RTL4: variants seen among roughly 807,000 people sequenced by gnomAD.
The protein encoded by RTL4 is retrotransposon Gag-like protein 4.
Under a neutral mutation model 5.3 loss-of-function variants are expected in RTL4, and 4 were observed. The ratio of observed to expected loss-of-function variants is 0.75; its 90% confidence interval spans 0.37 to 1.72. RTL4 has a LOEUF of 1.72. RTL4 is among the 40% of genes most tolerant of loss of function. The pLI, the probability that RTL4 is intolerant of heterozygous loss-of-function variation, is 0.04. For synonymous variants in RTL4, 98 were observed against 87.3 expected (o/e 1.12, Z -0.68); for missense variants, 260 against 227.1 (o/e 1.14, Z -0.93).
chrX:112,194,422 T>A, the RTL4 span, among the ~76,000 whole-genome samples: 4 of 111,025 alleles, frequency 3.6e-5, no homozygotes, highest in Non-Finnish European at 5.7e-5. Flanking sequence ...CTGTACCATA[T>A]GAAGACATAG....
chrX:112,439,033 G>T, the RTL4 span, among the ~76,000 whole-genome samples: 5 of 111,880 alleles, frequency 4.5e-5, no homozygotes, highest in Non-Finnish European at 9.4e-5. Flanking sequence ...TAGTCCAGAA[G>T]CAGGGAAGTA....
At chrX:112,239,545 T>C in the RTL4 span, among the ~76,000 whole-genome samples, 1 of 111,029 alleles carries the variant, frequency 9.0e-6, no homozygotes, top group Admixed American at 9.6e-5. Context: ...CAGCAACAAG[T>C]TAGAACATGG....
At chrX:112,346,054 A>G in the RTL4 span, among the ~76,000 whole-genome samples, 2 of 112,211 alleles carry the variant, frequency 1.8e-5, no homozygotes, top group African/African-American at 6.5e-5. Context: ...GCACACACAC[A>G]CATACTTGCA....
chrX:112,326,828 C>G, the RTL4 span, among the ~76,000 whole-genome samples: 1 of 111,697 alleles, frequency 9.0e-6, no homozygotes, highest in African/African-American at 3.2e-5. Context: ...CAGACTGCCT[C>G]CTCAAGTGGG....
chrX:112,103,745 A>G, the RTL4 span, among the ~76,000 whole-genome samples: 1 of 110,477 alleles, frequency 9.1e-6, no homozygotes, highest in South Asian at 3.8e-4. Context: ...GAAATATTTT[A>G]TTATTATTTA....
the RTL4 span, among the ~76,000 whole-genome samples, chrX:112,231,774 A>C: frequency 9.0e-6 from 1 of 111,426 alleles, no homozygotes; most frequent in African/African-American, 3.3e-5. Flanking sequence ...TTCATAAGCA[A>C]GCTTGCTATA....
At chrX:112,376,100 C>T in the RTL4 span, among the ~76,000 whole-genome samples, 1 of 110,700 alleles carries the variant, frequency 9.0e-6, no homozygotes, top group Non-Finnish European at 1.9e-5. Flanking sequence ...ACTGGAATCT[C>T]GTGGATAGAG....
chrX:112,430,959 T>C, the RTL4 span, among the ~76,000 whole-genome samples: 1 of 112,068 alleles, frequency 8.9e-6, no homozygotes, highest in African/African-American at 3.2e-5. Context: ...AAGATCTGTG[T>C]CAAAAAGGCC....
chrX:112,329,866 A>G, the RTL4 span, among the ~76,000 whole-genome samples: 1 of 111,678 alleles, frequency 9.0e-6, no homozygotes, highest in East Asian at 2.8e-4. Flanking sequence ...TACACAAATC[A>G]ATAAATGTAA....
the RTL4 span, among the ~76,000 whole-genome samples, chrX:112,093,375 C>T: frequency 9.0e-6 from 1 of 111,667 alleles, no homozygotes; most frequent in African/African-American, 3.3e-5. Flanking sequence ...TTTATGTAAC[C>T]TTCTCCCCAA....
At chrX:112,325,314 TG>T in the RTL4 span, among the ~76,000 whole-genome samples, 1 of 111,440 alleles carries the variant, frequency 9.0e-6, no homozygotes, top group Non-Finnish European at 1.9e-5. Flanking sequence ...AAAGTTCATA[TG>T]GAATCAAAAA....
the RTL4 span, among the ~76,000 whole-genome samples, chrX:112,239,734 G>T: frequency 9.0e-6 from 1 of 111,469 alleles, no homozygotes; most frequent in African/African-American, 3.3e-5. Flanking sequence ...TCTGCAATAG[G>T]ATAGTACGAT....
chrX:112,422,735 G>A, the RTL4 span, among the ~76,000 whole-genome samples: 1 of 110,544 alleles, frequency 9.0e-6, no homozygotes, highest in East Asian at 2.9e-4. Context: ...TCTAGATTCT[G>A]CTTGTAAATT....
the RTL4 span, among the ~76,000 whole-genome samples, chrX:112,439,545 G>T: frequency 3.6e-5 from 4 of 111,833 alleles, no homozygotes; most frequent in Non-Finnish European, 7.5e-5. Flanking sequence ...CTTCTCCCAT[G>T]ATTTTTGTAA....
chrX:112,394,215 CT>C, the RTL4 span, among the ~76,000 whole-genome samples: 3 of 110,819 alleles, frequency 2.7e-5, no homozygotes, highest in African/African-American at 9.8e-5. Flanking sequence ...TCTTGCCTTG[CT>C]TTTCTCCATT....
At chrX:112,121,685 A>T in the RTL4 span, among the ~76,000 whole-genome samples, 38 of 111,791 alleles carry the variant, frequency 3.4e-4, no homozygotes, top group Non-Finnish European at 5.5e-4. Context: ...AATATTTTTT[A>T]AAATATTAAC....
chrX:112,095,328 A>G, the RTL4 span, among the ~76,000 whole-genome samples: 1 of 111,615 alleles, frequency 9.0e-6, no homozygotes, highest in South Asian at 3.8e-4. Context: ...AGTGGATAAA[A>G]TAATTTTGAG....
the RTL4 span, among the ~76,000 whole-genome samples, chrX:112,370,993 T>C: frequency 9.1e-6 from 1 of 110,187 alleles, no homozygotes; most frequent in Non-Finnish European, 1.9e-5. Flanking sequence ...ATATTTCATA[T>C]TGGTCCTGGC....
At chrX:112,456,007 C>T (rs950086699) in exon 1 of RTL4, 1 of 285,805 alleles carries the variant, frequency 3.5e-6, no homozygotes, top group East Asian at 5.6e-5. Flanking sequence ...TGGGTGACAT[C>T]TGGGTTGAGT....
Sources: allele counts gnomAD v4.1 joint callset (sites outside exome capture counted in the v4.1 genomes callset), GRCh38; gene constraint gnomAD v4.1.1; transcripts MANE v1.5; gene names NCBI Gene and HGNC (gene_info 2026-07-23, HGNC 2026-07-21).